Variants in DUSP22 observed in about 807,000 individuals in gnomAD.
DUSP22 encodes dual specificity protein phosphatase 22.
A neutral mutation model predicts 24.5 loss-of-function variants in DUSP22; 24 were observed. That is an observed-to-expected ratio of 0.98 (90% confidence interval 0.71 to 1.38). DUSP22 has a LOEUF of 1.38. Ranked by LOEUF, DUSP22 falls within the 40% of genes most tolerant of loss-of-function variation. The pLI is 0.00. For missense variants in DUSP22, 330 were observed against 269.2 expected (o/e 1.23, Z -1.58); for synonymous variants, 160 against 106.4 (o/e 1.50, Z -3.10).
intron 3 of DUSP22, among the ~76,000 whole-genome samples, chr6:332,700 G>C (rs1462335123): frequency 6.9e-6 from 1 of 145,152 alleles, no homozygotes; most frequent in African/African-American, 2.6e-5. Flanking sequence ...TTTAGATTCT[G>C]CTGGAATAAA....
chr6:305,652 G>T (rs1482695902), intron 2 of DUSP22, among the ~76,000 whole-genome samples: 1 of 152,302 alleles, frequency 6.6e-6, no homozygotes, highest in Non-Finnish European at 1.5e-5. Context: ...TTCCAGGGAG[G>T]GGCCAAGTCC....
At chr6:293,558 A>T (rs1306299925) in intron 1 of DUSP22, among the ~76,000 whole-genome samples, 2 of 152,238 alleles carry the variant, frequency 1.3e-5, no homozygotes, top group Non-Finnish European at 2.9e-5. Context: ...CTGGGTGGGG[A>T]TGGCAATGTG....
chr6:295,107 G>C (rs986979105), intron 1 of DUSP22, among the ~76,000 whole-genome samples: 3 of 152,282 alleles, frequency 2.0e-5, no homozygotes, highest in Non-Finnish European at 4.4e-5. Context: ...TTGATTTGCA[G>C]AATCAGCGGA....
chr6:329,046 G>A (rs796712094), intron 3 of DUSP22, among the ~76,000 whole-genome samples: 3 of 152,424 alleles, frequency 2.0e-5, no homozygotes, highest in South Asian at 4.1e-4. Flanking sequence ...GCCACGCACC[G>A]AGCTGGGCTG....
intron 1 of DUSP22, among the ~76,000 whole-genome samples, chr6:298,130 C>CT (rs1757425400): frequency 6.6e-6 from 1 of 152,306 alleles, no homozygotes; most frequent in Non-Finnish European, 1.5e-5. Context: ...AGGGCTCTCT[C>CT]TTTTCTCCAT....
At position 350,583 on chromosome 6, in the gene DUSP22, G is replaced by A. The variant is rs1760152173; in HGVS notation, c.*1632G>A. On this transcript the variant is annotated 3_prime_UTR_variant, in exon 7 of 7. Coordinates refer to ENST00000419235, the MANE Select transcript of DUSP22 (RefSeq NM_001286555.3). ...ATTCCGCGCAGGTGCACAGGCCCCG[G>A]ATGTACACCCGGAAAGGGGAGTGTG... is the stretch of plus-strand genomic sequence containing the variant. 2 of 1,418,354 alleles carry A rather than the reference G, an allele frequency of 1.4e-6. No homozygotes were observed. The highest frequency in any genetic ancestry group is 2.9e-5 in the African/African-American group (2 of 69,564). The allele number at this position is 1,418,354 out of a possible 1,614,324, so 87.9% of individuals were successfully genotyped here. A position where few individuals can be genotyped will look rare whatever the true frequency, so the allele number is the denominator to read the frequency against.
intron 3 of DUSP22, among the ~76,000 whole-genome samples, chr6:317,745 C>G (rs930062205): frequency 7.3e-4 from 111 of 152,380 alleles, no homozygotes; most frequent in Middle Eastern, 3.4e-3. Flanking sequence ...TGGGGTTTCT[C>G]TGGTCCTTGC....
chr6:304,187 C>T (rs746375167), intron 1 of DUSP22, among the ~76,000 whole-genome samples: 58 of 152,396 alleles, frequency 3.8e-4, no homozygotes, highest in Non-Finnish European at 7.5e-4. Flanking sequence ...GTCACTGAGC[C>T]GGGGGCCAAC....
intron 1 of DUSP22, among the ~76,000 whole-genome samples, chr6:293,681 T>C (rs1415431901): frequency 6.6e-6 from 1 of 152,298 alleles, no homozygotes; most frequent in Non-Finnish European, 1.5e-5. Flanking sequence ...AGCTAACTTT[T>C]CACGTGCGCA....
chr6:347,538 G>GCTCC (rs1411021346), intron 5 of DUSP22, among the ~76,000 whole-genome samples: 1 of 152,300 alleles, frequency 6.6e-6, no homozygotes, highest in African/African-American at 2.4e-5. Context: ...AGGGTGCCTT[G>GCTCC]CTCCCACCCT....
chr6:305,533 C>T (rs1311702965), intron 2 of DUSP22, among the ~76,000 whole-genome samples: 2 of 152,308 alleles, frequency 1.3e-5, no homozygotes, highest in African/African-American at 4.8e-5. Context: ...TCTGGTGCTT[C>T]TCTTCTCACA....
At chr6:304,862 T>A (rs1473253414) in intron 2 of DUSP22, among the ~76,000 whole-genome samples, 2 of 152,120 alleles carry the variant, frequency 1.3e-5, no homozygotes, top group East Asian at 1.9e-4. Flanking sequence ...ATTCCTCTCC[T>A]CCCAGCCCCG....
At chr6:297,649 C>G (rs1757401577) in intron 1 of DUSP22, among the ~76,000 whole-genome samples, 1 of 152,310 alleles carries the variant, frequency 6.6e-6, no homozygotes, top group African/African-American at 2.4e-5. Flanking sequence ...CAGATATCCC[C>G]TGGGGAGTGA....
chr6:303,446 A>G (rs1757675527), intron 1 of DUSP22, among the ~76,000 whole-genome samples: 1 of 152,306 alleles, frequency 6.6e-6, no homozygotes, highest in African/African-American at 2.4e-5. Context: ...ATCACTAGAC[A>G]TGAGCCATGG....
chr6:329,263 C>T (rs1273044502), intron 3 of DUSP22, among the ~76,000 whole-genome samples: 1 of 152,306 alleles, frequency 6.6e-6, no homozygotes, highest in South Asian at 2.1e-4. Flanking sequence ...GTGCAGCAGT[C>T]AGATTCATAG....
At chr6:330,167 C>T (rs1362788904) in intron 3 of DUSP22, among the ~76,000 whole-genome samples, 1 of 152,420 alleles carries the variant, frequency 6.6e-6, no homozygotes, top group East Asian at 1.9e-4. Context: ...ACTGCTGCCG[C>T]ACAGGCTGAG....
chr6:347,966 G>T, intron 5 of DUSP22, 137 bp from the exon 6 acceptor site: 1 of 1,308,414 alleles, frequency 7.6e-7, no homozygotes. Context: ...CTGGTGGCGA[G>T]CTTGCTGTCC....
chr6:302,392 TC>T (rs1757623052), intron 1 of DUSP22, among the ~76,000 whole-genome samples: 1 of 152,312 alleles, frequency 6.6e-6, no homozygotes, highest in Non-Finnish European at 1.5e-5. Context: ...TCCACCTCTC[TC>T]CCACTCCCTC....
intron 5 of DUSP22, among the ~76,000 whole-genome samples, chr6:347,554 C>T (rs1759941756): frequency 6.6e-6 from 1 of 152,306 alleles, no homozygotes; most frequent in South Asian, 2.1e-4. Flanking sequence ...ACCCTGCGGA[C>T]ACAGTGTGCC....
Sources: allele counts gnomAD v4.1 joint callset (sites outside exome capture counted in the v4.1 genomes callset), GRCh38; gene constraint gnomAD v4.1.1; transcripts MANE v1.5; gene names NCBI Gene and HGNC (gene_info 2026-07-23, HGNC 2026-07-21).